The following EYA4 variants were observed in gnomAD, a reference collection of about 807,000 sequenced individuals.
EYA4 encodes the protein protein phosphatase EYA4.
EYA4 carries 31 observed loss-of-function variants against 87.9 expected under a neutral mutation model. That is an observed-to-expected ratio of 0.35 (90% CI 0.27 to 0.48). EYA4 has a LOEUF of 0.48. EYA4 is among the 20% of genes least tolerant of loss of function. EYA4 has a pLI of 0.99. For missense variants in EYA4, 678 were observed against 761.4 expected, an observed-to-expected ratio of 0.89 and a Z score of 1.29; for synonymous variants, 263 against 270.6, an observed-to-expected ratio of 0.97 and a Z score of 0.28.
chr6:133,257,829 C>CTTCTATTTG (rs1375493153), intron 1 of EYA4, among the ~76,000 whole-genome samples: 1 of 152,062 alleles, frequency 6.6e-6, no homozygotes, highest in African/African-American at 2.4e-5. Flanking sequence ...AAGTATATTT[C>CTTCTATTTG]CTTATTTGCT....
chr6:133,462,788 G>A (rs1794515577), intron 9 of EYA4, 24 bp downstream of exon 9: 5 of 1,610,652 alleles, frequency 3.1e-6, no homozygotes, highest in Admixed American at 1.7e-5. Context: ...CATGAAACAT[G>A]TTTTGGGAGA....
At chr6:133,379,275 G>A (rs981069681) in intron 2 of EYA4, among the ~76,000 whole-genome samples, 8 of 151,920 alleles carry the variant, frequency 5.3e-5, no homozygotes, top group African/African-American at 1.9e-4. Context: ...AGTCATTGAA[G>A]GTTCTATATG....
chr6:133,320,927 T>C (rs1361116588), intron 2 of EYA4, among the ~76,000 whole-genome samples: 3 of 152,202 alleles, frequency 2.0e-5, no homozygotes, highest in African/African-American at 7.2e-5. Context: ...AAGTAATTGA[T>C]TCAACAATGG....
intron 2 of EYA4, among the ~76,000 whole-genome samples, chr6:133,378,265 T>A (rs960762360): frequency 1.3e-5 from 2 of 152,080 alleles, no homozygotes; most frequent in Non-Finnish European, 2.9e-5. Context: ...GTGTTAGCTG[T>A]GGGATATTAG....
chr6:133,260,520 G>A (rs548820539), intron 1 of EYA4, among the ~76,000 whole-genome samples: 132 of 152,296 alleles, frequency 8.7e-4, no homozygotes, highest in African/African-American at 3.0e-3. Context: ...TTACAGGCAT[G>A]AGCCACCGCA....
rs375525432 is a variant in EYA4, at chr6:133,415,611, G to T, written c.84-31019G>T. Among the ~76,000 whole-genome samples, 14 of 152,226 alleles carry T rather than the reference G, an allele frequency of 9.2e-5. No individual in the cohort carries two copies. In the East Asian group the frequency reaches 1.2e-3, roughly 13 times the overall value. ...ACCCTGCCTCCTCATCAACACTGTCGATCTCTGCTTCAGGTTTTCTCCTAT... is the reference window on the plus strand; with the variant it reads ...ACCCTGCCTCCTCATCAACACTGTCTATCTCTGCTTCAGGTTTTCTCCTAT... On this transcript the variant is annotated intron_variant, in intron 3 of 19. Coordinates refer to ENST00000355286, the MANE Select transcript of EYA4 (RefSeq NM_004100.5).
At chr6:133,428,623 T>C (rs1288892131) in intron 3 of EYA4, among the ~76,000 whole-genome samples, 1 of 152,234 alleles carries the variant, frequency 6.6e-6, no homozygotes, top group Non-Finnish European at 1.5e-5. Flanking sequence ...CCTTTTGCAC[T>C]GCCATCCACG....
chr6:133,438,339 T>C (rs1203316340), intron 3 of EYA4, among the ~76,000 whole-genome samples: 2 of 151,088 alleles, frequency 1.3e-5, no homozygotes, highest in East Asian at 3.9e-4. Flanking sequence ...TTCTGTTTCT[T>C]CTCTGCTCCG....
intron 3 of EYA4, among the ~76,000 whole-genome samples, chr6:133,417,068 T>C (rs1055820977): frequency 1.3e-5 from 2 of 152,224 alleles, no homozygotes; most frequent in African/African-American, 2.4e-5. Context: ...TGGCTATCGA[T>C]TTTTGCAATG....
chr6:133,367,449 G>T (rs1784938741), intron 2 of EYA4, among the ~76,000 whole-genome samples: 1 of 152,154 alleles, frequency 6.6e-6, no homozygotes, highest in Non-Finnish European at 1.5e-5. Context: ...AACTTAACAG[G>T]TGTCATTACT....
chr6:133,448,303 G>A, intron 5 of EYA4, 124 bp downstream of exon 5: 3 of 757,572 alleles, frequency 4.0e-6, no homozygotes, highest in South Asian at 1.4e-5. Context: ...AAGGAAAAAT[G>A]AACATGCCTT....
intron 5 of EYA4, among the ~76,000 whole-genome samples, chr6:133,454,774 G>A (rs1173855544): frequency 1.3e-5 from 2 of 151,912 alleles, no homozygotes; most frequent in African/African-American, 4.8e-5. Flanking sequence ...GTATTTTGCA[G>A]TTTTTATTTT....
At chr6:133,440,098 T>G (rs938211764) in intron 3 of EYA4, among the ~76,000 whole-genome samples, 2 of 152,206 alleles carry the variant, frequency 1.3e-5, no homozygotes, top group African/African-American at 4.8e-5. Flanking sequence ...AGTGGCAATA[T>G]TAGGTCCCAG....
In EYA4 at chr6:133,529,558, T is replaced by G; in HGVS notation, c.*753T>G. 1.0e-6 allele frequency: 1 copy of G among 984,810 alleles called. No individual in the cohort carries two copies. Among genetic ancestry groups the G allele is most frequent in the Non-Finnish European group, 1.2e-6 (1 of 829,104 alleles). 61.0% of individuals were successfully genotyped at this position (984,810 alleles called of 1,614,324 possible). Reference sequence around the variant, plus strand: ...AAAAAAAAAACCTTTGTGATGATTCTTAACATGACCAAATTTAAAAGTCAA... The same window carrying G: ...AAAAAAAAAACCTTTGTGATGATTCGTAACATGACCAAATTTAAAAGTCAA... On this transcript the variant is annotated 3_prime_UTR_variant, in exon 20 of 20. Transcript: ENST00000355286.
At chr6:133,450,328 A>G (rs1351472827) in intron 5 of EYA4, among the ~76,000 whole-genome samples, 1 of 152,202 alleles carries the variant, frequency 6.6e-6, no homozygotes, top group African/African-American at 2.4e-5. Flanking sequence ...GACACAGACT[A>G]AGCATTTGTT....
intron 2 of EYA4, among the ~76,000 whole-genome samples, chr6:133,341,500 A>G (rs1186090386): frequency 6.6e-6 from 1 of 152,320 alleles, no homozygotes; most frequent in East Asian, 1.9e-4. Flanking sequence ...CCTTTATGAA[A>G]TCCACTATAA....
At chr6:133,494,644 C>T (rs1164500868) in intron 13 of EYA4, among the ~76,000 whole-genome samples, 1 of 147,486 alleles carries the variant, frequency 6.8e-6, no homozygotes, top group African/African-American at 2.5e-5. Context: ...TGGAGATTAG[C>T]CTGGACAACA....
At chr6:133,384,940 C>T (rs1786567605) in intron 3 of EYA4, among the ~76,000 whole-genome samples, 1 of 152,136 alleles carries the variant, frequency 6.6e-6, no homozygotes, top group South Asian at 2.1e-4. Context: ...AAAAATGTCT[C>T]TAATATAGAC....
rs371260896 is a variant in EYA4 at position 133,379,059 on chromosome 6, C to T, written c.34-3333C>T. The stretch of plus-strand genomic sequence containing the variant: ...CTAGGATTTGAATTTAACTTTTTGG[C>T]ATGAAATTCTGACTCATTTCTTGAC... On this transcript the variant is annotated intron_variant, in intron 2 of 19. Transcript: ENST00000355286. Among the ~76,000 whole-genome samples the T allele has an allele frequency of 5.4e-4, 82 of 151,788 alleles. No homozygotes were observed. The South Asian group carries it at 0.017, about 31-fold the overall frequency.
Sources: gnomAD v4.1 joint callset for allele counts (sites outside exome capture counted in the v4.1 genomes callset) on GRCh38, gnomAD v4.1.1 for gene constraint, MANE v1.5 for transcripts, NCBI Gene and HGNC (gene_info 2026-07-23, HGNC 2026-07-21) for gene names.